The following INPP4B variants were observed in gnomAD, a reference collection of about 807,000 sequenced individuals.
INPP4B encodes the protein inositol polyphosphate 4-phosphatase type II.
In INPP4B, 55 loss-of-function variants were observed where a neutral mutation model predicts 122.5. The ratio of observed to expected loss-of-function variants is 0.45; its 90% CI spans 0.36 to 0.56. The LOEUF (loss-of-function observed/expected upper bound fraction) is 0.56, where lower values mean the gene tolerates loss of function less well. Ranked by LOEUF, INPP4B falls within the 20% of genes least tolerant of loss-of-function variation. INPP4B has a pLI of 0.00. For missense variants in INPP4B, 1,000 were observed against 1,097.7 expected, an observed-to-expected ratio of 0.91 and a Z score of 1.26; for synonymous variants, 403 against 388.7, an observed-to-expected ratio of 1.04 and a Z score of -0.43.
intron 2 of INPP4B, among the ~76,000 whole-genome samples, chr4:142,540,764 AGAG>A (rs1382572097): frequency 6.6e-6 from 1 of 152,062 alleles, no homozygotes; most frequent in East Asian, 1.9e-4. Flanking sequence ...TGTGAGAGAG[AGAG>A]AAGGCATATT....
intron 2 of INPP4B, among the ~76,000 whole-genome samples, chr4:142,642,111 GTTGT>G (rs1462397705): frequency 1.8e-4 from 28 of 152,252 alleles, no homozygotes; most frequent in East Asian, 1.5e-3. Flanking sequence ...TGTTGATGGG[GTTGT>G]TTGTTTTTTT....
intron 12 of INPP4B, among the ~76,000 whole-genome samples, chr4:142,236,457 G>T (rs948369204): frequency 6.6e-6 from 1 of 152,112 alleles, no homozygotes; most frequent in African/African-American, 2.4e-5. Flanking sequence ...TCCTCTTGCA[G>T]TTGGCTCTTA....
intron 2 of INPP4B, among the ~76,000 whole-genome samples, chr4:142,694,369 C>G (rs1393889583): frequency 7.0e-6 from 1 of 142,044 alleles, no homozygotes; most frequent in Admixed American, 7.3e-5. Flanking sequence ...CGAGACTCGT[C>G]TCAAAAAAAA....
At chr4:142,418,899 G>A (rs754659942) in intron 5 of INPP4B, among the ~76,000 whole-genome samples, 7 of 152,146 alleles carry the variant, frequency 4.6e-5, no homozygotes, top group Non-Finnish European at 7.3e-5. Flanking sequence ...ACAGACTCAC[G>A]AGGACTTGCC....
intron 7 of INPP4B, among the ~76,000 whole-genome samples, chr4:142,385,612 T>C (rs974907797): frequency 1.3e-5 from 2 of 152,206 alleles, no homozygotes; most frequent in African/African-American, 2.4e-5. Flanking sequence ...GCAATTTTTC[T>C]GTAATTTACA....
At chr4:142,425,264 C>T (rs1401917999) in intron 5 of INPP4B, 1 of 151,944 alleles carries the variant, frequency 6.6e-6, no homozygotes, top group Non-Finnish European at 1.5e-5. Context: ...ATAGCTGCAG[C>T]TTAGGTAAGG....
rs557991011 is a variant in INPP4B at position 142,490,828 on chromosome 4, G to A, written c.-190-28102C>T. Among the ~76,000 whole-genome samples the A allele has an allele frequency of 4.6e-5, 7 of 152,190 alleles. No individual in the cohort carries two copies. In the East Asian group the frequency reaches 1.4e-3, roughly 29 times the overall value. ...TCATGCATGCAATATTTGTCTTTCT[G>A]TGTCTGACTTATTTCACTTAGCATA... On this transcript the variant is annotated intron_variant, in intron 2 of 25. Transcript: ENST00000262992.
At chr4:142,695,463 A>G (rs1760898960) in intron 2 of INPP4B, among the ~76,000 whole-genome samples, 1 of 152,210 alleles carries the variant, frequency 6.6e-6, no homozygotes, top group African/African-American at 2.4e-5. Context: ...CCTATGTAAA[A>G]CATCTAAATG....
intron 4 of INPP4B, among the ~76,000 whole-genome samples, chr4:142,430,932 T>C (rs1036444064): frequency 7.2e-5 from 11 of 152,150 alleles, no homozygotes; most frequent in Admixed American, 7.2e-4. Flanking sequence ...TGTTATTTGA[T>C]ATTTAACCAT....
intron 2 of INPP4B, among the ~76,000 whole-genome samples, chr4:142,532,634 C>A (rs921123988): frequency 1.3e-5 from 2 of 152,012 alleles, no homozygotes; most frequent in African/African-American, 4.8e-5. Context: ...TAAGATAGGA[C>A]CTCAGTAACT....
chr4:142,088,889 G>T (rs1778098991), intron 23 of INPP4B, among the ~76,000 whole-genome samples: 1 of 152,156 alleles, frequency 6.6e-6, no homozygotes, highest in South Asian at 2.1e-4. Flanking sequence ...TTAAATCCAG[G>T]AAAGTACACT....
At chr4:142,178,080 C>A (rs766552833) in intron 15 of INPP4B, among the ~76,000 whole-genome samples, 1 of 152,230 alleles carries the variant, frequency 6.6e-6, no homozygotes, top group Non-Finnish European at 1.5e-5. Context: ...CTGTTCACAG[C>A]TCCAGCTTAA....
At chr4:142,285,336 A>G (rs576513291) in intron 9 of INPP4B, among the ~76,000 whole-genome samples, 13 of 150,596 alleles carry the variant, frequency 8.6e-5, no homozygotes, top group Non-Finnish European at 1.2e-4. Context: ...CCAAGTAAAA[A>G]TTTTCATGAA....
chr4:142,108,458 C>G (rs1044477269), intron 22 of INPP4B, among the ~76,000 whole-genome samples: 1 of 94,786 alleles, frequency 1.1e-5, no homozygotes. Flanking sequence ...ACAACAGTCT[C>G]TGTGCATGGA....
At chr4:142,049,170 A>C (rs1753152032) in intron 25 of INPP4B, among the ~76,000 whole-genome samples, 1 of 152,046 alleles carries the variant, frequency 6.6e-6, no homozygotes, top group Non-Finnish European at 1.5e-5. Flanking sequence ...GTAATGGAAG[A>C]ATGTAATGGA....
rs1020894681 is a variant in INPP4B, at chr4:142,246,977, A to T, written c.689-8966T>A. ...TTATTTCGAAATATGTTCCATCAAT[A>T]CCTACTTTATTGAGAGTTTTTAGCA... On this transcript the variant is annotated intron_variant, in intron 11 of 25. Coordinates refer to ENST00000262992, the MANE Select transcript of INPP4B (RefSeq NM_001101669.3). Among the ~76,000 whole-genome samples, 15 of 152,206 alleles carry T rather than the reference A, an allele frequency of 9.9e-5. No homozygotes were observed. The East Asian group carries it at 2.9e-3, about 29-fold the overall frequency.
At chr4:142,678,433 A>G (rs1259200643) in intron 2 of INPP4B, among the ~76,000 whole-genome samples, 1 of 151,964 alleles carries the variant, frequency 6.6e-6, no homozygotes, top group African/African-American at 2.4e-5. Context: ...CGTGTCTCCC[A>G]TTAGACAACT....
At chr4:142,438,620 AC>A (rs1811043373) in intron 3 of INPP4B, among the ~76,000 whole-genome samples, 1 of 152,226 alleles carries the variant, frequency 6.6e-6, no homozygotes, top group Non-Finnish European at 1.5e-5. Flanking sequence ...CCTAGGAAAT[AC>A]CATTCAGGAC....
intron 12 of INPP4B, among the ~76,000 whole-genome samples, chr4:142,213,775 G>A (rs1845870553): frequency 6.6e-6 from 1 of 152,148 alleles, no homozygotes; most frequent in African/African-American, 2.4e-5. Context: ...CAAGTAAACG[G>A]TTTGCTGATC....
Sources: allele counts gnomAD v4.1 joint callset (sites outside exome capture counted in the v4.1 genomes callset), GRCh38; gene constraint gnomAD v4.1.1; transcripts MANE v1.5; gene names NCBI Gene and HGNC (gene_info 2026-07-23, HGNC 2026-07-21).